Variants in PDE4B observed in about 807,000 individuals in gnomAD.
PDE4B encodes the protein 3',5'-cyclic-AMP phosphodiesterase 4B.
A neutral mutation model predicts 82.2 loss-of-function variants in PDE4B; 20 were observed. The ratio of observed to expected loss-of-function variants is 0.24; its 90% CI spans 0.17 to 0.35. The LOEUF (loss-of-function observed/expected upper bound fraction) is 0.35, where lower values mean the gene tolerates loss of function less well. PDE4B is among the 10% of genes least tolerant of loss of function. The pLI, the probability that PDE4B is intolerant of heterozygous loss-of-function variation, is 1.00. For synonymous variants in PDE4B, 320 were observed against 318.9 expected, an observed-to-expected ratio of 1.00 and a Z score of -0.04; for missense variants, 655 against 907.2, an observed-to-expected ratio of 0.72 and a Z score of 3.57.
rs1231503326 is a variant in PDE4B, at chr1:66,107,555, T to C, written c.282-139905T>C. Among the ~76,000 whole-genome samples the C allele has an allele frequency of 8.6e-5, 13 of 151,858 alleles. No individual in the cohort carries two copies. In the Admixed American group the frequency reaches 8.6e-4, roughly 10 times the overall value. On this transcript the variant is annotated intron_variant, in intron 3 of 16. Coordinates refer to ENST00000341517, the MANE Select transcript of PDE4B (RefSeq NM_002600.4). ...AACCTGCCTTCCCATGAGACTTTCA[T>C]GGTAAGTCCACCTGGATGACCAAAA...
At chr1:66,323,256 G>T (rs1272132474) in intron 7 of PDE4B, among the ~76,000 whole-genome samples, 1 of 152,006 alleles carries the variant, frequency 6.6e-6, no homozygotes, top group Non-Finnish European at 1.5e-5. Context: ...TGTTCCCCTT[G>T]CCTGGAATAC....
chr1:66,095,725 G>A (rs994608307), intron 3 of PDE4B, among the ~76,000 whole-genome samples: 2 of 151,842 alleles, frequency 1.3e-5, no homozygotes, highest in Non-Finnish European at 2.9e-5. Context: ...TTCCCAATTA[G>A]ATCATAACAA....
intron 1 of PDE4B, among the ~76,000 whole-genome samples, chr1:65,845,382 C>T (rs1646256636): frequency 6.6e-6 from 1 of 152,170 alleles, no homozygotes; most frequent in Admixed American, 6.6e-5. Context: ...GCTTCTATAG[C>T]TTCCTAGCCA....
intron 9 of PDE4B, among the ~76,000 whole-genome samples, chr1:66,357,924 T>G (rs567187525): frequency 1.3e-5 from 2 of 152,280 alleles, no homozygotes; most frequent in Non-Finnish European, 2.9e-5. Flanking sequence ...TTCTCTGTGG[T>G]GAACCCTAGG....
chr1:66,082,454 A>G (rs1656790920), intron 3 of PDE4B, among the ~76,000 whole-genome samples: 1 of 152,090 alleles, frequency 6.6e-6, no homozygotes, highest in Admixed American at 6.6e-5. Context: ...TCCAAGGCCC[A>G]TTCCCATTTC....
intron 3 of PDE4B, among the ~76,000 whole-genome samples, chr1:66,222,635 A>T (rs1651086023): frequency 6.6e-6 from 1 of 152,244 alleles, no homozygotes; most frequent in African/African-American, 2.4e-5. Flanking sequence ...TAGCTGTATC[A>T]TCTTGAGCAA....
intron 16 of PDE4B, 145 bp from the exon 17 acceptor site, chr1:66,372,167 GT>G: frequency 1.3e-6 from 1 of 769,972 alleles, no homozygotes; most frequent in South Asian, 1.7e-5. Flanking sequence ...AAGACCCACT[GT>G]ATTGTGAGTG....
rs34263724 is a variant in PDE4B at position 65,887,414 on chromosome 1, GTTTTT to G, written c.-70-25811_-70-25807del. Among the ~76,000 whole-genome samples the G allele has an allele frequency of 3.6e-3, 28 of 7,734 alleles. 2 individuals carry two copies. The highest frequency in any genetic ancestry group is 4.8e-3 in the Non-Finnish European group (23 of 4,764). 5.1% of individuals were successfully genotyped at this position (7,734 alleles called of 152,430 possible). ...TTTTCTTTCTTTTTCTTTTTCTTCT[GTTTTT>G]TTTTTTTTTTTTTTTTTTTACAGGG... On this transcript the variant is annotated intron_variant, in intron 1 of 16. Transcript: ENST00000341517.
At chr1:66,336,630 G>A (rs1055382771) in intron 8 of PDE4B, among the ~76,000 whole-genome samples, 1 of 139,714 alleles carries the variant, frequency 7.2e-6, no homozygotes, top group Admixed American at 7.4e-5. Context: ...TGTTGTTGAA[G>A]AGTGGCCCTG....
intron 3 of PDE4B, among the ~76,000 whole-genome samples, chr1:66,225,561 A>C (rs967462075): frequency 6.6e-6 from 1 of 152,160 alleles, no homozygotes; most frequent in Non-Finnish European, 1.5e-5. Context: ...CTCCCATGGC[A>C]TTTCTCCTGA....
At chr1:65,950,642 G>A (rs1648945922) in intron 3 of PDE4B, among the ~76,000 whole-genome samples, 1 of 152,074 alleles carries the variant, frequency 6.6e-6, no homozygotes, top group African/African-American at 2.4e-5. Flanking sequence ...TAGAGAAAAA[G>A]AGGCTGGCCT....
intron 3 of PDE4B, among the ~76,000 whole-genome samples, chr1:66,007,120 A>G (rs1652193987): frequency 6.6e-6 from 1 of 152,074 alleles, no homozygotes; most frequent in Non-Finnish European, 1.5e-5. Flanking sequence ...CAACAGAGTG[A>G]AACTTTGACT....
chr1:65,940,369 G>C (rs1569760454), intron 3 of PDE4B, among the ~76,000 whole-genome samples: 1 of 152,106 alleles, frequency 6.6e-6, no homozygotes, highest in Admixed American at 6.6e-5. Flanking sequence ...TCATCGAACT[G>C]CTTGTAGGCT....
At chr1:65,867,508 G>A (rs1188704496) in intron 1 of PDE4B, among the ~76,000 whole-genome samples, 2 of 152,198 alleles carry the variant, frequency 1.3e-5, no homozygotes, top group African/African-American at 4.8e-5. Context: ...TACAATACGT[G>A]TGGCTGAGAA....
At chr1:66,371,130 ATAT>A (rs2050760049) in intron 16 of PDE4B, among the ~76,000 whole-genome samples, 1 of 124,030 alleles carries the variant, frequency 8.1e-6, no homozygotes, top group African/African-American at 3.3e-5. Flanking sequence ...ATATATATAT[ATAT>A]AATTTTATTT....
intron 1 of PDE4B, among the ~76,000 whole-genome samples, chr1:65,801,951 A>G (rs977725122): frequency 6.6e-6 from 1 of 152,234 alleles, no homozygotes; most frequent in African/African-American, 2.4e-5. Flanking sequence ...ATGGATATAA[A>G]AGATGGAAAA....
intron 3 of PDE4B, among the ~76,000 whole-genome samples, chr1:66,025,031 T>A (rs1653359961): frequency 6.6e-6 from 1 of 152,116 alleles, no homozygotes; most frequent in Admixed American, 6.5e-5. Flanking sequence ...GTGCCCTATA[T>A]AACCCACAAG....
At chr1:65,836,289 C>T (rs1012631020) in intron 1 of PDE4B, among the ~76,000 whole-genome samples, 10 of 152,170 alleles carry the variant, frequency 6.6e-5, no homozygotes, top group Non-Finnish European at 1.2e-4. Flanking sequence ...TCCAACTCAC[C>T]GCTATCCTTA....
Position 66,273,894 on chromosome 1 carries a change from A to G in PDE4B, c.634+7807A>G, listed in dbSNP as rs17128718. ...GTGCATAGTGCTGACATCCCTTGCT[A>G]ATCTTGACAACGTGTGACTTTCAAG... is the stretch of plus-strand genomic sequence containing the variant. On this transcript the variant is annotated intron_variant, in intron 7 of 16. Transcript: ENST00000341517. 8.2e-3 allele frequency among the ~76,000 whole-genome samples: 1,252 copies of G among 152,342 alleles called. 48 individuals are homozygous for G. In the East Asian group the frequency reaches 0.11, roughly 14 times the overall value.
Sources: allele counts gnomAD v4.1 joint callset (sites outside exome capture counted in the v4.1 genomes callset), GRCh38; gene constraint gnomAD v4.1.1; transcripts MANE v1.5; gene names NCBI Gene and HGNC (gene_info 2026-07-23, HGNC 2026-07-21).